SHANK2: variants seen among roughly 807,000 people sequenced by gnomAD.
SHANK2 encodes the protein SH3 and multiple ankyrin repeat domains protein 2.
A neutral mutation model predicts 133.7 loss-of-function variants in SHANK2; 43 were observed. The observed-to-expected ratio is 0.32, with a 90% CI of 0.25 to 0.41. The LOEUF (loss-of-function observed/expected upper bound fraction) is 0.41. SHANK2 is among the 10% of genes least tolerant of loss of function. SHANK2 has a pLI of 1.00. For synonymous variants in SHANK2, 1,017 were observed against 952.8 expected, an observed-to-expected ratio of 1.07 and a Z score of -1.24; for missense variants, 1,994 against 2,235.8, an observed-to-expected ratio of 0.89 and a Z score of 2.18.
chr11:70,823,949 TAC>T (rs2135369384), intron 11 of SHANK2, among the ~76,000 whole-genome samples: 1 of 145,594 alleles, frequency 6.9e-6, no homozygotes, highest in Admixed American at 6.9e-5. Flanking sequence ...AGCTCACAGG[TAC>T]AGAGGTGGTA....
intron 11 of SHANK2, among the ~76,000 whole-genome samples, chr11:70,892,966 C>G (rs1555074995): frequency 6.6e-6 from 1 of 152,190 alleles, no homozygotes; most frequent in African/African-American, 2.4e-5. Context: ...ACTTCCTTCC[C>G]TAAGTCCCTG....
intron 9 of SHANK2, among the ~76,000 whole-genome samples, chr11:71,073,156 C>CTTTTT (rs1198101078): frequency 4.9e-5 from 2 of 40,812 alleles, no homozygotes; most frequent in African/African-American, 6.8e-5. Flanking sequence ...TCTTTTTTTT[C>CTTTTT]TTTTTTTTCT....
intron 6 of SHANK2, among the ~76,000 whole-genome samples, chr11:71,108,664 G>T (rs1382380225): frequency 2.0e-5 from 3 of 152,306 alleles, no homozygotes; most frequent in African/African-American, 7.2e-5. Flanking sequence ...ATGGAGGATC[G>T]GCGCAGGGCC....
intron 1 of SHANK2, among the ~76,000 whole-genome samples, chr11:71,246,624 C>T (rs1357602870): frequency 6.6e-6 from 1 of 152,118 alleles, no homozygotes; most frequent in Non-Finnish European, 1.5e-5. Flanking sequence ...TAAAGGGTAG[C>T]CAAGTCTTTC....
intron 22 of SHANK2, 73 bp from the exon 23 acceptor site, chr11:70,490,460 C>T (rs2058871150): frequency 1.6e-6 from 2 of 1,265,634 alleles, no homozygotes; most frequent in Non-Finnish European, 2.3e-6. Flanking sequence ...GCCCAGAGAC[C>T]ACAAGGGAAC....
At chr11:70,770,267 C>A (rs1555042424) in intron 14 of SHANK2, among the ~76,000 whole-genome samples, 1 of 152,232 alleles carries the variant, frequency 6.6e-6, no homozygotes, top group African/African-American at 2.4e-5. Flanking sequence ...GGAATCAGCA[C>A]CACCAGACCA....
intron 1 of SHANK2, among the ~76,000 whole-genome samples, chr11:71,250,242 C>T (rs575752723): frequency 2.0e-5 from 3 of 152,262 alleles, no homozygotes; most frequent in East Asian, 3.9e-4. Flanking sequence ...ACTTGAATTC[C>T]AACCTCCTTC....
chr11:71,192,474 A>T (rs1473718465), intron 2 of SHANK2, among the ~76,000 whole-genome samples: 1 of 152,218 alleles, frequency 6.6e-6, no homozygotes, highest in African/African-American at 2.4e-5. Context: ...TACCTCAGTC[A>T]CTGCCTGGAA....
chr11:70,636,134 G>A (rs557943543), intron 17 of SHANK2, among the ~76,000 whole-genome samples: 25 of 152,402 alleles, frequency 1.6e-4, no homozygotes, highest in Admixed American at 3.9e-4. Context: ...CGACAAAGGC[G>A]TGGTCTCTGC....
At chr11:71,060,822 T>C (rs1950978318) in intron 9 of SHANK2, among the ~76,000 whole-genome samples, 1 of 152,132 alleles carries the variant, frequency 6.6e-6, no homozygotes, top group Non-Finnish European at 1.5e-5. Context: ...TGCAAGAGCA[T>C]GCAGCAGCCG....
At position 71,083,882 on chromosome 11, in the gene SHANK2, A is replaced by G. The variant is rs910906821; in HGVS notation, c.912+8540T>C. ...GGTGTTTCTTAACTTGCTTCTTTAT[A>G]CTTCTTTGTATTTTCCAAGATTTCC... On this transcript the variant is annotated intron_variant, in intron 8 of 25. Transcript: ENST00000601538. Among the ~76,000 whole-genome samples, 4 of 151,836 alleles carry G rather than the reference A, an allele frequency of 2.6e-5. No homozygotes were observed. In the South Asian group the frequency reaches 6.2e-4, roughly 24 times the overall value.
chr11:71,201,858 C>G (rs117832823), intron 2 of SHANK2, among the ~76,000 whole-genome samples: 3,274 of 152,288 alleles, frequency 0.021, 53 homozygotes, highest in Non-Finnish European at 0.03. Context: ...TCCAGTCGCC[C>G]TGACCCGAGG....
At chr11:70,828,945 G>A (rs1351079134) in intron 11 of SHANK2, among the ~76,000 whole-genome samples, 1 of 152,244 alleles carries the variant, frequency 6.6e-6, no homozygotes, top group Admixed American at 6.5e-5. Context: ...CACTGCTCCG[G>A]CGCTGCTGCC....
intron 11 of SHANK2, among the ~76,000 whole-genome samples, chr11:70,844,394 A>G (rs1555062593): frequency 1.3e-5 from 2 of 151,750 alleles, no homozygotes; most frequent in Non-Finnish European, 2.9e-5. Context: ...CTAAATCCTT[A>G]CTCCAGCCTT....
rs553333717 is a variant in SHANK2 at position 70,698,756 on chromosome 11, G to T, written c.1785C>A (p.Arg595=). 1.4e-6 allele frequency: 1 copy of T among 718,612 alleles called. No individual in the cohort carries two copies. Among genetic ancestry groups the T allele is most frequent in the Non-Finnish European group, 2.6e-6 (1 of 385,098 alleles). The allele number at this position is 718,612 out of a possible 1,614,324, so 44.5% of individuals were successfully genotyped here. ...TGAAAAGCTTCTTGCTGCGGTCAGCGCGGGTTTCTGTACAGAGAGGGAAGA... is the reference window on the plus strand; with the variant it reads ...TGAAAAGCTTCTTGCTGCGGTCAGCTCGGGTTTCTGTACAGAGAGGGAAGA... ...CKPRDSQAET[R]ADRSKKLFRH... The change falls in exon 15 of 26, where the codon CGC becomes CGA. Residue 595 remains arginine, a synonymous_variant. Coordinates refer to ENST00000601538, the MANE Select transcript of SHANK2 (RefSeq NM_012309.5).
chr11:71,091,343 C>A (rs1162602234), intron 8 of SHANK2, among the ~76,000 whole-genome samples: 1 of 152,154 alleles, frequency 6.6e-6, no homozygotes, highest in Non-Finnish European at 1.5e-5. Context: ...CACAAGAAAG[C>A]CCAGGGAGGG....
intron 2 of SHANK2, among the ~76,000 whole-genome samples, chr11:71,181,066 G>A (rs1003411750): frequency 1.3e-5 from 2 of 152,032 alleles, no homozygotes; most frequent in African/African-American, 4.8e-5. Flanking sequence ...GGAGAAGCTG[G>A]GAAAGAAACC....
rs112231881 is a variant in SHANK2 at position 71,124,683 on chromosome 11, C to T, written c.208-5651G>A. On this transcript the variant is annotated intron_variant, in intron 3 of 25. Transcript: ENST00000601538. Reference sequence around the variant, plus strand: ...ACCCAAGTCAAATCTCCCCATCTCCCGAGTTCTTGCTGTTCAAGTGATAGA... The same window carrying T: ...ACCCAAGTCAAATCTCCCCATCTCCTGAGTTCTTGCTGTTCAAGTGATAGA... Among the ~76,000 whole-genome samples the T allele has an allele frequency of 1.8e-3, 269 of 152,252 alleles. 1 individual carries two copies. Among genetic ancestry groups the T allele is most frequent in the African/African-American group, 5.9e-3 (245 of 41,552 alleles).
intron 11 of SHANK2, chr11:70,895,372 G>T (rs1301971492): frequency 6.6e-6 from 1 of 152,666 alleles, no homozygotes; most frequent in Non-Finnish European, 1.5e-5. Flanking sequence ...CCTTTGATGG[G>T]GTGATGCCAT....
Sources: allele counts gnomAD v4.1 joint callset (sites outside exome capture counted in the v4.1 genomes callset), GRCh38; gene constraint gnomAD v4.1.1; transcripts MANE v1.5; gene names NCBI Gene and HGNC (gene_info 2026-07-23, HGNC 2026-07-21).